Variants in FOXP1 observed in about 807,000 individuals in gnomAD.
FOXP1 encodes forkhead box P1.
FOXP1 carries 15 observed loss-of-function variants against 98.2 expected under a neutral mutation model. The ratio of observed to expected loss-of-function variants is 0.15; its 90% CI spans 0.10 to 0.24. The LOEUF (loss-of-function observed/expected upper bound fraction) is 0.24, where lower values mean the gene tolerates loss of function less well. Among genes scored for constraint, FOXP1 ranks in the 10% least tolerant of loss-of-function variants. FOXP1 has a pLI of 1.00. For synonymous variants in FOXP1, 371 were observed against 314.5 expected (o/e 1.18, Z -1.90); for missense variants, 633 against 848.5 (o/e 0.75, Z 3.15).
Position 70,959,216 on chromosome 3 carries a change from C to G in FOXP1, c.*31G>C, listed in dbSNP as rs1258208044. 3.2e-6 allele frequency: 5 copies of G among 1,580,462 alleles called. No individual in the cohort carries two copies. The highest frequency in any genetic ancestry group is 4.3e-6 in the Non-Finnish European group (5 of 1,161,980). ...TTTTTTTTTTTTTCCTTTTTCCAAT[C>G]TTCATTCTCGGGGTTGGCCCGCCCC... On this transcript the variant is annotated 3_prime_UTR_variant, in exon 21 of 21. Coordinates refer to ENST00000649528, the MANE Select transcript of FOXP1 (RefSeq NM_001349338.3).
chr3:71,285,620 A>G (rs958575686), intron 5 of FOXP1, among the ~76,000 whole-genome samples: 2 of 152,238 alleles, frequency 1.3e-5, no homozygotes. Context: ...TTAGAAATTA[A>G]ATCCGAGAAA....
intron 3 of FOXP1, among the ~76,000 whole-genome samples, chr3:71,385,324 T>C (rs1028454333): frequency 6.6e-6 from 1 of 152,234 alleles, no homozygotes; most frequent in Non-Finnish European, 1.5e-5. Context: ...TAACATTTAC[T>C]AGAGCATTTA....
At chr3:71,294,397 G>C (rs184725479) in intron 5 of FOXP1, among the ~76,000 whole-genome samples, 1 of 152,008 alleles carries the variant, frequency 6.6e-6, no homozygotes, top group Non-Finnish European at 1.5e-5. Context: ...CGACACCCTG[G>C]ACTCCTTGTT....
chr3:71,394,029 G>A (rs2081216869), intron 3 of FOXP1, among the ~76,000 whole-genome samples: 1 of 152,150 alleles, frequency 6.6e-6, no homozygotes, highest in Admixed American at 6.5e-5. Flanking sequence ...AATGTCTGCG[G>A]AGCAGAGCAA....
chr3:71,062,099 AGGCAGTGAC>A (rs1456187756), intron 7 of FOXP1, among the ~76,000 whole-genome samples: 14 of 152,210 alleles, frequency 9.2e-5, no homozygotes, highest in Non-Finnish European at 1.8e-4. Flanking sequence ...TGTAAATGCA[AGGCAGTGAC>A]GGTGAGGGTT....
chr3:71,023,809 C>A (rs981465111), intron 11 of FOXP1, among the ~76,000 whole-genome samples: 7 of 152,166 alleles, frequency 4.6e-5, no homozygotes, highest in African/African-American at 1.7e-4. Flanking sequence ...AAACTAATTG[C>A]TATCAAATAT....
chr3:71,330,194 G>A (rs911208210), intron 4 of FOXP1, among the ~76,000 whole-genome samples: 14 of 152,206 alleles, frequency 9.2e-5, no homozygotes, highest in African/African-American at 2.9e-4. Context: ...TGTGTGATAT[G>A]TACTTTAACA....
chr3:71,304,390 T>C (rs2074101110), intron 4 of FOXP1, among the ~76,000 whole-genome samples: 1 of 152,250 alleles, frequency 6.6e-6, no homozygotes, highest in Non-Finnish European at 1.5e-5. Context: ...TTCGAAGCTC[T>C]AACAAAGCCT....
intron 4 of FOXP1, among the ~76,000 whole-genome samples, chr3:71,326,435 CAAT>C (rs1166785044): frequency 9.7e-4 from 147 of 152,184 alleles, no homozygotes; most frequent in African/African-American, 3.3e-3. Context: ...ACAACAACAA[CAAT>C]AATAACAACA....
At chr3:70,967,706 T>G (rs28649441) in intron 19 of FOXP1, among the ~76,000 whole-genome samples, 5,734 of 83,590 alleles carry the variant, frequency 0.069, 338 homozygotes, top group East Asian at 0.27. Flanking sequence ...TTTTGTTTTT[T>G]TTTGTTTTTT....
chr3:71,217,538 G>T (rs1324437097), intron 5 of FOXP1, among the ~76,000 whole-genome samples: 2 of 152,008 alleles, frequency 1.3e-5, no homozygotes. Context: ...TATAGGTCAG[G>T]TTAGCCAAGA....
At chr3:70,969,970 A>G (rs916239631) in intron 19 of FOXP1, 16 of 152,316 alleles carry the variant, frequency 1.1e-4, no homozygotes, top group African/African-American at 3.4e-4. Flanking sequence ...ATGAAATGAC[A>G]CTGGAGTAGC....
intron 5 of FOXP1, among the ~76,000 whole-genome samples, chr3:71,241,406 C>A (rs550612147): frequency 6.6e-6 from 1 of 152,156 alleles, no homozygotes; most frequent in African/African-American, 2.4e-5. Context: ...GAGCATTTGG[C>A]GTCTCAAATT....
intron 2 of FOXP1, among the ~76,000 whole-genome samples, chr3:71,503,615 A>C (rs999390894): frequency 1.3e-5 from 2 of 151,552 alleles, no homozygotes; most frequent in Non-Finnish European, 2.9e-5. Flanking sequence ...AAAAAAAAAA[A>C]AAAAAACACC....
chr3:71,228,426 C>T (rs1175004503), intron 5 of FOXP1, among the ~76,000 whole-genome samples: 3 of 151,784 alleles, frequency 2.0e-5, no homozygotes, highest in Non-Finnish European at 4.4e-5. Context: ...GTAAAGGGCA[C>T]AAGGCTAAAC....
intron 11 of FOXP1, among the ~76,000 whole-genome samples, chr3:71,030,214 G>C (rs947401297): frequency 6.6e-6 from 1 of 152,150 alleles, no homozygotes; most frequent in African/African-American, 2.4e-5. Flanking sequence ...AATCATGTTG[G>C]GTTCTGATAG....
intron 6 of FOXP1, among the ~76,000 whole-genome samples, chr3:71,158,520 G>C (rs1325088455): frequency 6.6e-6 from 1 of 152,012 alleles, no homozygotes; most frequent in East Asian, 1.9e-4. Context: ...ACCAATGAGA[G>C]CTCAGTAATC....
intron 2 of FOXP1, among the ~76,000 whole-genome samples, chr3:71,553,369 A>G (rs760613647): frequency 1.8e-4 from 27 of 152,308 alleles, no homozygotes; most frequent in Non-Finnish European, 3.2e-4. Flanking sequence ...TGTAGGCCTC[A>G]TCAATTTCAT....
intron 2 of FOXP1, among the ~76,000 whole-genome samples, chr3:71,575,797 C>G (rs146945215): frequency 1.3e-5 from 2 of 152,306 alleles, no homozygotes; most frequent in East Asian, 3.9e-4. Context: ...AAATATTACC[C>G]CTAATTCAAA....
Sources: gnomAD v4.1 joint callset for allele counts (sites outside exome capture counted in the v4.1 genomes callset) on GRCh38, gnomAD v4.1.1 for gene constraint, MANE v1.5 for transcripts, NCBI Gene and HGNC (gene_info 2026-07-23, HGNC 2026-07-21) for gene names.